Variants in GNAL observed in about 807,000 individuals in gnomAD.
GNAL encodes guanine nucleotide-binding protein G(olf) subunit alpha.
A neutral mutation model predicts 55.1 loss-of-function variants in GNAL; 18 were observed. The ratio of observed to expected loss-of-function variants is 0.33; its 90% CI spans 0.23 to 0.48. The LOEUF is 0.48. GNAL is among the 20% of genes least tolerant of loss of function. The probability of loss-of-function intolerance (pLI) is 0.99; values close to 1 mark genes in which losing one functional copy is unlikely to be tolerated. For synonymous variants in GNAL, 253 were observed against 237.0 expected (o/e 1.07, Z -0.62); for missense variants, 412 against 614.1 (o/e 0.67, Z 3.48).
chr18:11,862,699 A>T (rs555345693), intron 6 of GNAL, among the ~76,000 whole-genome samples: 1 of 152,224 alleles, frequency 6.6e-6, no homozygotes, highest in Admixed American at 6.5e-5. Flanking sequence ...GATAAGGAAT[A>T]TGCCGTTCCT....
At chr18:11,758,391 A>G (rs2033131207) in intron 4 of GNAL, among the ~76,000 whole-genome samples, 1 of 152,220 alleles carries the variant, frequency 6.6e-6, no homozygotes, top group African/African-American at 2.4e-5. Context: ...GATGGATGAT[A>G]AAATTCTTGT....
At chr18:11,867,931 C>A (rs2143865706) in intron 8 of GNAL, among the ~76,000 whole-genome samples, 1 of 151,698 alleles carries the variant, frequency 6.6e-6, no homozygotes, top group East Asian at 1.9e-4. Context: ...TCAAGATCAG[C>A]CTGACCAACA....
rs1041474006 is a variant in GNAL, at chr18:11,752,703, G to T, written c.377-150G>T. The T allele has an allele frequency of 1.8e-5, 22 of 1,216,806 alleles. No individual in the cohort carries two copies. In the African/African-American group the frequency reaches 3.0e-4, roughly 16 times the overall value. The allele number at this position is 1,216,806 out of a possible 1,614,324, so 75.4% of individuals were successfully genotyped here. On this transcript the variant is annotated intron_variant, in intron 1 of 11. Transcript: ENST00000334049. This position sits in a 1 kb window ranked among gnomAD's most constrained non-coding sequence, Gnocchi z 4.5. ...GCGCACCTCTGGGCCGCGGAGCCCA[G>T]ACGGCGGCCGGGGCGAGCTCCTCCA... is the stretch of plus-strand genomic sequence containing the variant.
At chr18:11,758,137 C>G (rs552812198) in intron 4 of GNAL, among the ~76,000 whole-genome samples, 2 of 152,198 alleles carry the variant, frequency 1.3e-5, no homozygotes, top group Non-Finnish European at 2.9e-5. Flanking sequence ...TGGCAGGAGT[C>G]CAGTCCTCGA....
At chr18:11,795,462 T>C (rs2034354579) in intron 4 of GNAL, among the ~76,000 whole-genome samples, 2 of 152,110 alleles carry the variant, frequency 1.3e-5, no homozygotes, top group Admixed American at 1.3e-4. Context: ...AATAGCTTTC[T>C]TAAATTCCTG....
intron 1 of GNAL, among the ~76,000 whole-genome samples, chr18:11,721,897 TAA>T: frequency 1.4e-5 from 1 of 70,676 alleles, no homozygotes; most frequent in African/African-American, 6.2e-5. Context: ...AAAAAATAAA[TAA>T]ATAAATAAAT....
At chr18:11,870,880 A>T (rs1055721368) in intron 9 of GNAL, among the ~76,000 whole-genome samples, 2 of 152,236 alleles carry the variant, frequency 1.3e-5, no homozygotes, top group South Asian at 2.1e-4. Flanking sequence ...TGTGGTAATA[A>T]GACTGTTAAT....
rs895493214 is a variant in GNAL at position 11,805,980 on chromosome 18, T to G, written c.625-18938T>G. Among the ~76,000 whole-genome samples, 3 of 152,330 alleles carry G rather than the reference T, an allele frequency of 2.0e-5. No individual in the cohort carries two copies. In the East Asian group the frequency reaches 5.8e-4, roughly 29 times the overall value. On this transcript the variant is annotated intron_variant, in intron 4 of 11. Transcript: ENST00000334049. ...CATTCTTAAGAACAATGTATAAGTG[T>G]CCCTTTTCTCTCCATCCTCCCCAGC...
intron 5 of GNAL, among the ~76,000 whole-genome samples, chr18:11,836,192 A>T (rs2035494561): frequency 6.6e-6 from 1 of 152,022 alleles, no homozygotes; most frequent in Admixed American, 6.6e-5. Flanking sequence ...TGCCTGTAAA[A>T]TCCCAGCACT....
intron 5 of GNAL, among the ~76,000 whole-genome samples, chr18:11,838,441 CT>C (rs2035543706): frequency 6.6e-6 from 1 of 152,106 alleles, no homozygotes; most frequent in African/African-American, 2.4e-5. Flanking sequence ...ACAGAGTTTC[CT>C]CTTGGAGTGA....
intron 5 of GNAL, among the ~76,000 whole-genome samples, chr18:11,855,280 G>T (rs1452331444): frequency 6.6e-6 from 1 of 151,096 alleles, no homozygotes; most frequent in Non-Finnish European, 1.5e-5. Context: ...ATAACTACAA[G>T]ATTTTTTTTC....
At chr18:11,774,188 C>T (rs905420780) in intron 4 of GNAL, among the ~76,000 whole-genome samples, 2 of 152,128 alleles carry the variant, frequency 1.3e-5, no homozygotes, top group Non-Finnish European at 2.9e-5. Context: ...GCTGAAGCCA[C>T]GCACGGGGCC....
intron 1 of GNAL, among the ~76,000 whole-genome samples, chr18:11,734,513 A>G (rs1221009256): frequency 6.6e-6 from 1 of 151,890 alleles, no homozygotes; most frequent in Non-Finnish European, 1.5e-5. Flanking sequence ...CTGGGCTCTG[A>G]GGGCTGGAGC....
intron 6 of GNAL, among the ~76,000 whole-genome samples, chr18:11,863,317 A>T (rs1348101651): frequency 6.6e-6 from 1 of 152,136 alleles, no homozygotes; most frequent in Non-Finnish European, 1.5e-5. Flanking sequence ...AACCCCAAGG[A>T]AGTTAGAGGG....
chr18:11,752,634 G>A lies in GNAL; in HGVS notation c.377-219G>A, dbSNP rs980487908. On this transcript the variant is annotated intron_variant, in intron 1 of 11. Transcript: ENST00000334049. This position sits in a 1 kb window ranked among gnomAD's most constrained non-coding sequence, Gnocchi z 4.5. ...GCCCCAGCGGAGCGCACAGCCAGGA[G>A]CGGCGAGCGCCAGGCTGGGCGGGCA... 14 of 1,488,650 alleles carry A rather than the reference G, an allele frequency of 9.4e-6. No individual in the cohort carries two copies. Among genetic ancestry groups the A allele is most frequent in the South Asian group, 9.2e-5 (7 of 76,306 alleles). 92.2% of individuals were successfully genotyped at this position (1,488,650 alleles called of 1,614,324 possible).
intron 7 of GNAL, among the ~76,000 whole-genome samples, chr18:11,865,024 A>G (rs922226745): frequency 1.3e-5 from 2 of 152,058 alleles, no homozygotes; most frequent in African/African-American, 2.4e-5. Flanking sequence ...ATGATAAGAC[A>G]TTAATTCTCC....
rs2037010304 is a variant in GNAL, at chr18:11,885,206, G to A, written c.*4071G>A. ...AGAACCTGTCGTACCAGCATCATGA[G>A]CTGGATGCAGGAGCCCATGGCTGAA... On this transcript the variant is annotated 3_prime_UTR_variant, in exon 12 of 12. Transcript: ENST00000334049. 8 of 412,042 alleles carry A rather than the reference G, an allele frequency of 1.9e-5. No homozygotes were observed. Among genetic ancestry groups the A allele is most frequent in the Non-Finnish European group, 3.1e-5 (8 of 257,268 alleles). The allele number at this position is 412,042 out of a possible 1,614,324, so 25.5% of individuals were successfully genotyped here. A position where few individuals can be genotyped will look rare whatever the true frequency, so the allele number is the denominator to read the frequency against.
intron 5 of GNAL, among the ~76,000 whole-genome samples, chr18:11,830,903 T>G (rs2035366118): frequency 1.3e-5 from 2 of 152,136 alleles, no homozygotes; most frequent in African/African-American, 2.4e-5. Context: ...TATGATTACA[T>G]GTATATGAAA....
At chr18:11,740,033 T>C (rs1370921248) in intron 1 of GNAL, among the ~76,000 whole-genome samples, 1 of 152,182 alleles carries the variant, frequency 6.6e-6, no homozygotes, top group African/African-American at 2.4e-5. Flanking sequence ...CCTTCCGCAT[T>C]CACTAGCTGC....
Sources: gnomAD v4.1 joint callset for allele counts (sites outside exome capture counted in the v4.1 genomes callset) on GRCh38, gnomAD v4.1.1 for gene constraint, Gnocchi (gnomAD v3.1) non-coding constraint, MANE v1.5 for transcripts, NCBI Gene and HGNC (gene_info 2026-07-23, HGNC 2026-07-21) for gene names.